The following FGF12 variants were observed in gnomAD, a reference collection of about 807,000 sequenced individuals.
The protein encoded by FGF12 is fibroblast growth factor 12B.
In FGF12, 14 loss-of-function variants were observed where a neutral mutation model predicts 23.6. The ratio of observed to expected loss-of-function variants is 0.59; its 90% CI spans 0.39 to 0.93. FGF12 has a LOEUF of 0.93. Ranked by LOEUF, FGF12 falls within the 40% of genes least tolerant of loss-of-function variation. The pLI is 0.00. For synonymous variants in FGF12, 62 were observed against 77.3 expected (o/e 0.80, Z 1.04); for missense variants, 175 against 217.8 (o/e 0.80, Z 1.24).
At chr3:192,144,790 A>G (rs9846559) in intron 5 of FGF12, among the ~76,000 whole-genome samples, 94,814 of 152,050 alleles carry the variant, frequency 0.62, 31,229 homozygotes, top group Non-Finnish European at 0.73. Flanking sequence ...GTCTGGCTGT[A>G]AAGTTCAGTC....
At chr3:192,166,835 T>G (rs1233330205) in intron 5 of FGF12, among the ~76,000 whole-genome samples, 1 of 152,158 alleles carries the variant, frequency 6.6e-6, no homozygotes, top group African/African-American at 2.4e-5. Context: ...ATTAAGTTTT[T>G]TTTTTCATTT....
intron 2 of FGF12, among the ~76,000 whole-genome samples, chr3:192,619,483 C>A (rs1304843065): frequency 6.6e-6 from 1 of 152,130 alleles, no homozygotes; most frequent in Non-Finnish European, 1.5e-5. Context: ...GCCAAGCTTC[C>A]CCCGAGCACC....
intron 4 of FGF12, among the ~76,000 whole-genome samples, chr3:192,305,692 A>ATG (rs1016892340): frequency 1.4e-5 from 2 of 146,398 alleles, no homozygotes; most frequent in African/African-American, 5.0e-5. Context: ...ATATATATAT[A>ATG]TATAAATATA....
intron 2 of FGF12, among the ~76,000 whole-genome samples, chr3:192,415,457 G>C (rs1166310134): frequency 6.6e-6 from 1 of 152,072 alleles, no homozygotes; most frequent in Non-Finnish European, 1.5e-5. Context: ...CATCCACCCA[G>C]ATTTTTGAGC....
intron 4 of FGF12, among the ~76,000 whole-genome samples, chr3:192,297,304 A>G (rs1223603960): frequency 6.6e-6 from 1 of 152,236 alleles, no homozygotes; most frequent in Admixed American, 6.5e-5. Context: ...AGACTGGTTC[A>G]GTCGCAATAC....
chr3:192,727,095 C>T, intron 2 of FGF12, 86 bp downstream of exon 2: 5 of 1,500,250 alleles, frequency 3.3e-6, no homozygotes, highest in Non-Finnish European at 4.5e-6. Context: ...ATGCTCGCTC[C>T]CCAAGCACTG....
chr3:192,248,609 C>CA (rs1485949212), intron 4 of FGF12, among the ~76,000 whole-genome samples: 7 of 152,070 alleles, frequency 4.6e-5, no homozygotes, highest in African/African-American at 1.7e-4. Flanking sequence ...CCCGTCTCTA[C>CA]AAAAAATAAA....
rs571623837 is a variant in FGF12 at position 192,443,175 on chromosome 3, G to C, written c.14-82637C>G. On this transcript the variant is annotated intron_variant, in intron 2 of 5. Transcript: ENST00000445105. The stretch of plus-strand genomic sequence containing the variant: ...AGAAGGAGTTTTATTTGGGAAGACT[G>C]GATTTCAGTTGATACAACACAGAGA... 1.2e-3 allele frequency among the ~76,000 whole-genome samples: 180 copies of C among 152,228 alleles called. 2 individuals carry two copies. In the South Asian group the frequency reaches 0.035, roughly 30 times the overall value.
chr3:192,342,296 G>C (rs1182073653), intron 3 of FGF12, among the ~76,000 whole-genome samples: 2 of 152,108 alleles, frequency 1.3e-5, no homozygotes, highest in Non-Finnish European at 2.9e-5. Context: ...AAGATAATAT[G>C]TATTACACAT....
intron 2 of FGF12, among the ~76,000 whole-genome samples, chr3:192,551,273 G>A (rs1295876281): frequency 2.6e-5 from 4 of 152,202 alleles, no homozygotes; most frequent in African/African-American, 9.6e-5. Flanking sequence ...TTTACTGAGA[G>A]GAGAAGGCAC....
At chr3:192,543,032 C>T (rs1290024083) in intron 2 of FGF12, among the ~76,000 whole-genome samples, 5 of 152,102 alleles carry the variant, frequency 3.3e-5, no homozygotes, top group Admixed American at 3.3e-4. Flanking sequence ...CACCCAAATC[C>T]CTAGGGCTCT....
intron 4 of FGF12, among the ~76,000 whole-genome samples, chr3:192,185,173 T>C (rs545980628): frequency 1.4e-4 from 21 of 152,234 alleles, no homozygotes; most frequent in Non-Finnish European, 2.6e-4. Flanking sequence ...CCGTCATAGC[T>C]ATTTATCTGT....
At chr3:192,446,320 G>C (rs1370687976) in intron 2 of FGF12, among the ~76,000 whole-genome samples, 7 of 152,166 alleles carry the variant, frequency 4.6e-5, no homozygotes, top group African/African-American at 1.7e-4. Context: ...ACTGCTTTCA[G>C]AATCGGCAAT....
intron 4 of FGF12, among the ~76,000 whole-genome samples, chr3:192,227,376 T>C (rs551460684): frequency 1.3e-5 from 2 of 152,186 alleles, no homozygotes; most frequent in South Asian, 4.1e-4. Flanking sequence ...AGATATCCTT[T>C]CCTTTGCTTT....
intron 2 of FGF12, among the ~76,000 whole-genome samples, chr3:192,412,924 G>A (rs996484891): frequency 1.3e-5 from 2 of 152,142 alleles, no homozygotes; most frequent in Non-Finnish European, 2.9e-5. Flanking sequence ...TGATTTTTAT[G>A]CTTTCTTTGA....
chr3:192,540,716 C>T (rs976517704), intron 2 of FGF12, among the ~76,000 whole-genome samples: 3 of 151,992 alleles, frequency 2.0e-5, no homozygotes, highest in African/African-American at 2.4e-5. Flanking sequence ...GATGATGTGT[C>T]GATGATGAAA....
At chr3:192,415,776 A>ACACATT (rs1048145236) in intron 2 of FGF12, among the ~76,000 whole-genome samples, 1 of 143,548 alleles carries the variant, frequency 7.0e-6, no homozygotes, top group East Asian at 2.0e-4. Flanking sequence ...ACACACACAC[A>ACACATT]CTCATGTTCA....
intron 4 of FGF12, among the ~76,000 whole-genome samples, chr3:192,313,001 C>G (rs1203019401): frequency 6.6e-6 from 1 of 152,114 alleles, no homozygotes; most frequent in African/African-American, 2.4e-5. Flanking sequence ...TGTTTTGATG[C>G]ATAATTTTCT....
chr3:192,631,366 C>G (rs377189159), intron 2 of FGF12, among the ~76,000 whole-genome samples: 2 of 152,214 alleles, frequency 1.3e-5, no homozygotes, highest in African/African-American at 2.4e-5. Flanking sequence ...ACTACTGGAA[C>G]GTAATGTCAC....
Sources: gnomAD v4.1 joint callset for allele counts (sites outside exome capture counted in the v4.1 genomes callset) on GRCh38, gnomAD v4.1.1 for gene constraint, MANE v1.5 for transcripts, NCBI Gene and HGNC (gene_info 2026-07-23, HGNC 2026-07-21) for gene names.